The following CEP72 variants were observed in gnomAD, a reference collection of about 807,000 sequenced individuals.
The protein encoded by CEP72 is centrosomal protein of 72 kDa.
CEP72 carries 78 observed loss-of-function variants against 65.7 expected under a neutral mutation model. The ratio of observed to expected loss-of-function variants is 1.19; its 90% CI spans 0.99 to 1.43. CEP72 has a LOEUF of 1.43. CEP72 is among the 40% of genes most tolerant of loss of function. The pLI, the probability that CEP72 is intolerant of heterozygous loss-of-function variation, is 0.00. For synonymous variants in CEP72, 358 were observed against 351.7 expected (o/e 1.02, Z -0.20); for missense variants, 914 against 832.9 (o/e 1.10, Z -1.20).
Position 647,902 on chromosome 5 carries a change from G to T in CEP72, c.1764G>T (p.Leu588=), listed in dbSNP as rs752272636. The T allele has an allele frequency of 1.2e-6, 2 of 1,611,214 alleles. No individual in the cohort carries two copies. The highest frequency in any genetic ancestry group is 1.3e-5 in the African/African-American group (1 of 75,006). Residue 588 remains leucine (L), a synonymous_variant, in exon 11 of 12, where the codon CTG becomes CTT. Coordinates refer to ENST00000264935, the MANE Select transcript of CEP72 (RefSeq NM_018140.4). ...YDKIQELTQM[L]QESHSSLVST... is the part of the protein sequence containing the mutation. ...AGATCCAGGAGCTCACGCAGATGCTGCAGGAGAGCCACAGGTGCCTGCCCG... is the reference window on the plus strand; with the variant it reads ...AGATCCAGGAGCTCACGCAGATGCTTCAGGAGAGCCACAGGTGCCTGCCCG...
chr5:668,158 CCGACAAGCACA>C (rs1740013886), downstream of CEP72, among the ~76,000 whole-genome samples: 1 of 135,866 alleles, frequency 7.4e-6, no homozygotes, highest in Non-Finnish European at 1.6e-5. Context: ...CAGGGAAGTA[CCGACAAGCACA>C]CGGAGAGGGG....
intron 2 of CEP72, chr5:665,110 C>T (rs1221140806): frequency 6.2e-6 from 10 of 1,610,376 alleles, no homozygotes; most frequent in East Asian, 2.2e-5. Context: ...GGCTACTTGC[C>T]CCCTTGCACC....
chr5:628,171 G>T (rs924344834), intron 4 of CEP72, among the ~76,000 whole-genome samples: 9 of 152,256 alleles, frequency 5.9e-5, no homozygotes, highest in African/African-American at 9.6e-5. Flanking sequence ...CAGACTCATT[G>T]TGTCCCGGCG....
downstream of CEP72, among the ~76,000 whole-genome samples, chr5:670,327 T>C (rs1302635603): frequency 1.3e-5 from 2 of 152,248 alleles, no homozygotes; most frequent in African/African-American, 4.8e-5. Flanking sequence ...CCAGCTCCCC[T>C]GGGCTCTCTG....
At position 648,590 on chromosome 5, in the gene CEP72, TGACTGTGAGGCGTG is replaced by T. The variant is rs1436299177; in HGVS notation, c.1778+713_1778+726del. Among the ~76,000 whole-genome samples, 387 of 131,276 alleles carry T rather than the reference TGACTGTGAGGCGTG, an allele frequency of 2.9e-3. 5 individuals carry two copies. Among genetic ancestry groups the T allele is most frequent in the African/African-American group, 6.5e-3 (216 of 33,352 alleles). 86.1% of individuals were successfully genotyped at this position (131,276 alleles called of 152,430 possible). A position where few individuals can be genotyped will look rare whatever the true frequency, so the allele number is the denominator to read the frequency against. ...GACTGTGAGGTGTGACTGTGAGGTG[TGACTGTGAGGCGTG>T]GACTGTGAGGCGTGGACTGTGAGGC... On this transcript the variant is annotated intron_variant, in intron 11 of 11. Transcript: ENST00000264935.
chr5:622,644 C>T lies in CEP72; in HGVS notation c.404-1827C>T, dbSNP rs1736465576. Among the ~76,000 whole-genome samples, 4 of 152,318 alleles carry T rather than the reference C, an allele frequency of 2.6e-5. No homozygotes were observed. In the South Asian group the frequency reaches 6.2e-4, roughly 24 times the overall value. Reference sequence around the variant, plus strand: ...TGCTGCAGCTCTTGGCAGCGAGGAGCGCCTCCTTGGGAGCATGCGGCGTGC... The same window carrying T: ...TGCTGCAGCTCTTGGCAGCGAGGAGTGCCTCCTTGGGAGCATGCGGCGTGC... On this transcript the variant is annotated intron_variant, in intron 3 of 11. Transcript: ENST00000264935.
chr5:646,804 C>T (rs1262559124), intron 10 of CEP72, among the ~76,000 whole-genome samples: 4 of 152,198 alleles, frequency 2.6e-5, no homozygotes, highest in Admixed American at 6.5e-5. Context: ...TGACGGCCAC[C>T]CACTGCTGAC....
chr5:660,452 C>G (rs889563425), downstream of CEP72: 2 of 152,286 alleles, frequency 1.3e-5, no homozygotes, highest in Non-Finnish European at 2.9e-5. Flanking sequence ...ACAAAGTGTT[C>G]AGTAGTAAGA....
chr5:660,253 A>C (rs938096121), downstream of CEP72: 5 of 151,892 alleles, frequency 3.3e-5, no homozygotes, highest in African/African-American at 1.2e-4. Context: ...TTCTTGAAAA[A>C]AACTTAGTAC....
chr5:637,857 G>T, intron 7 of CEP72, 39 bp downstream of exon 7: 1 of 1,475,624 alleles, frequency 6.8e-7, no homozygotes, highest in Non-Finnish European at 9.0e-7. Context: ...CCACGGCACT[G>T]CCTCCCTAAT....
chr5:640,760 C>T lies in CEP72; in HGVS notation c.1539+156C>T, dbSNP rs565178052. The T allele has an allele frequency of 7.5e-5, 74 of 985,472 alleles. 1 individual carries two copies. The highest frequency in any genetic ancestry group is 3.3e-4 in the South Asian group (7 of 21,288). The allele number at this position is 985,472 out of a possible 1,614,324, so 61.0% of individuals were successfully genotyped here. On this transcript the variant is annotated intron_variant, in intron 9 of 11. Coordinates refer to ENST00000264935, the MANE Select transcript of CEP72 (RefSeq NM_018140.4). ...TCCCTGCCCGGGACCCGGCCACCCC[C>T]GGAACGCGGCCTGCCCTGTCTCACA...
At chr5:667,977 C>CT (rs530410964), downstream of CEP72, among the ~76,000 whole-genome samples, 8 of 48,518 alleles carry the variant, frequency 1.6e-4, no homozygotes, top group African/African-American at 1.2e-3. Flanking sequence ...GACAAGCACA[C>CT]AGAGAGGGGG....
chr5:636,223 A>G (rs1016120401), intron 6 of CEP72, among the ~76,000 whole-genome samples: 1 of 152,162 alleles, frequency 6.6e-6, no homozygotes, highest in Admixed American at 6.5e-5. Context: ...TTCTCTGTGT[A>G]TTTATTTGTT....
rs1480637412 is a variant in CEP72, at chr5:623,185, C to T, written c.404-1286C>T. 7.2e-5 allele frequency among the ~76,000 whole-genome samples: 11 copies of T among 152,092 alleles called. No individual in the cohort carries two copies. The highest frequency in any genetic ancestry group is 1.3e-4 in the Non-Finnish European group (9 of 68,020). On this transcript the variant is annotated intron_variant, in intron 3 of 11. Coordinates refer to ENST00000264935, the MANE Select transcript of CEP72 (RefSeq NM_018140.4). The surrounding 1 kb of genome is among the most constrained non-coding windows in gnomAD (Gnocchi z 5.3). ...TTAGTGTTTCTGCAGAGAAGGAGCG[C>T]GACCGTCTCCCCTCTTAGTGTTTCT...
chr5:636,073 A>T (rs924374568), intron 6 of CEP72, among the ~76,000 whole-genome samples: 1 of 152,256 alleles, frequency 6.6e-6, no homozygotes, highest in Non-Finnish European at 1.5e-5. Context: ...AGTGGCAATA[A>T]GTTTCCAGCT....
chr5:640,434 G>C lies in CEP72; in HGVS notation c.1369G>C (p.Val457Leu), dbSNP rs760913141. Residue 457 changes from valine (V) to leucine (L), a missense_variant, in exon 9 of 12, where the codon GTT becomes CTT. Val to Leu is a conservative substitution (Grantham distance 32, BLOSUM62 1). Coordinates refer to ENST00000264935, the MANE Select transcript of CEP72 (RefSeq NM_018140.4). ...TCAGGCAAGACACATCTTGTCATCT[G>C]TTGAAGAATTCACAGCAGCTCAGGA... is the stretch of plus-strand genomic sequence containing the variant. ...LAQARHILSS[V>L]EEFTAAQDSS... 22 of 1,614,064 alleles carry C rather than the reference G, an allele frequency of 1.4e-5. No individual in the cohort carries two copies. The highest frequency in any genetic ancestry group is 4.4e-5 in the South Asian group (4 of 91,082).
At chr5:651,634 C>T (rs1218664466) in intron 11 of CEP72, among the ~76,000 whole-genome samples, 1 of 151,964 alleles carries the variant, frequency 6.6e-6, no homozygotes, top group African/African-American at 2.4e-5. Context: ...AAGGCAGAAT[C>T]TTAGTTTGTC....
intron 8 of CEP72, 55 bp downstream of exon 8, chr5:639,279 G>A (rs964866636): frequency 8.6e-6 from 13 of 1,511,808 alleles, no homozygotes; most frequent in African/African-American, 4.2e-5. Context: ...TGTGGGTTCC[G>A]GGGTCCTCTG....
chr5:653,721 T>C (rs1002173586), downstream of CEP72, among the ~76,000 whole-genome samples: 6 of 152,214 alleles, frequency 3.9e-5, no homozygotes, highest in South Asian at 2.1e-4. Flanking sequence ...TATTGTCTTA[T>C]GATATTAACA....
Sources: allele counts gnomAD v4.1 joint callset (sites outside exome capture counted in the v4.1 genomes callset), GRCh38; gene constraint gnomAD v4.1.1; non-coding constraint Gnocchi (gnomAD v3.1); transcripts MANE v1.5; gene names NCBI Gene and HGNC (gene_info 2026-07-23, HGNC 2026-07-21).